EIF3K: variants seen among roughly 807,000 people sequenced by gnomAD.
The protein encoded by EIF3K is eIF-3 p28.
Under a neutral mutation model 34.2 loss-of-function variants are expected in EIF3K, and 27 were observed. That is an observed-to-expected ratio of 0.79 (90% CI 0.58 to 1.09). The LOEUF is 1.09. EIF3K is among the 50% of genes least tolerant of loss of function. The pLI is 0.00. For synonymous variants in EIF3K, 105 were observed against 105.7 expected, an observed-to-expected ratio of 0.99 and a Z score of 0.04; for missense variants, 232 against 275.4, an observed-to-expected ratio of 0.84 and a Z score of 1.11.
chr19:38,627,295 C>T (rs910984013), intron 4 of EIF3K, among the ~76,000 whole-genome samples: 1 of 151,980 alleles, frequency 6.6e-6, no homozygotes, highest in African/African-American at 2.4e-5. Flanking sequence ...CAGAAACCCC[C>T]AGTTTTGAAG....
intron 6 of EIF3K, among the ~76,000 whole-genome samples, chr19:38,633,650 A>G (rs1976120528): frequency 6.6e-6 from 1 of 151,064 alleles, no homozygotes; most frequent in African/African-American, 2.4e-5. Flanking sequence ...GTGAGCTGAG[A>G]TCGCACCATT....
intron 4 of EIF3K, among the ~76,000 whole-genome samples, chr19:38,631,155 C>T (rs1053734604): frequency 4.6e-5 from 7 of 152,130 alleles, no homozygotes; most frequent in African/African-American, 1.7e-4. Flanking sequence ...GGTGGGTTGC[C>T]CCTCCACACC....
In EIF3K at chr19:38,626,078, G is replaced by A; in HGVS notation, c.330G>A (p.Glu110=). The A allele has an allele frequency of 3.1e-6, 5 of 1,614,200 alleles. No individual in the cohort carries two copies. The highest frequency in any genetic ancestry group is 4.2e-6 in the Non-Finnish European group (5 of 1,180,034). The change falls in exon 4 of 8, where the codon GAG becomes GAA. Residue 110 remains glutamate (E), a synonymous_variant. Transcript: ENST00000248342. ...TTTTGTACCTCGGGGACCTGCTGGA[G>A]ACCTGCCATTTCCAGGCCTTCTGGG... ...RQILYLGDLL[E]TCHFQAFWQA...
intron 4 of EIF3K, among the ~76,000 whole-genome samples, chr19:38,630,156 CTT>C: frequency 7.1e-6 from 1 of 141,700 alleles, no homozygotes; most frequent in African/African-American, 2.6e-5. Flanking sequence ...GTGGTAGCTG[CTT>C]TTTTTTTTTT....
At chr19:38,622,853 C>T (rs1481210734) in intron 2 of EIF3K, among the ~76,000 whole-genome samples, 2 of 152,234 alleles carry the variant, frequency 1.3e-5, no homozygotes, top group Non-Finnish European at 2.9e-5. Context: ...CTCCCATTTG[C>T]TTTTGAAAGA....
intron 3 of EIF3K, among the ~76,000 whole-genome samples, chr19:38,625,265 A>G (rs1481811824): frequency 6.6e-6 from 1 of 151,664 alleles, no homozygotes; most frequent in East Asian, 1.9e-4. Context: ...CCCAGGTTCA[A>G]GCTATTCTGT....
Position 38,624,108 on chromosome 19 carries a change from AC to A in EIF3K, c.191del (p.Thr64ArgfsTer8). On this transcript the variant is annotated frameshift_variant, in exon 3 of 8. Transcript: ENST00000248342. LOFTEE classifies it high-confidence loss of function. ...GTTCAACCCAGCCTTCTTTCAGACC[AC>A]GGTCACCGCCCAGATCCTGCTGAAG... ...YQFNPAFFQT[T>X]VTAQILLKAL... 1 of 1,614,130 alleles carries A rather than the reference AC, an allele frequency of 6.2e-7. No homozygotes were observed. Among genetic ancestry groups the A allele is most frequent in the African/African-American group, 1.3e-5 (1 of 75,020 alleles).
At position 38,627,784 on chromosome 19, in the gene EIF3K, C is replaced by A. The variant is rs1975979306; in HGVS notation, c.354+1682C>A. Among the ~76,000 whole-genome samples the A allele has an allele frequency of 2.0e-5, 3 of 152,146 alleles. No homozygotes were observed. In the South Asian group the frequency reaches 6.2e-4, roughly 32 times the overall value. On this transcript the variant is annotated intron_variant, in intron 4 of 7. Coordinates refer to ENST00000248342, the MANE Select transcript of EIF3K (RefSeq NM_013234.4). Reference sequence around the variant, plus strand: ...GAGGATCCTTTGACCACCCAGACCTCTGGGTCCCTTGCTCTCTTGGCCAGC... The same window carrying A: ...GAGGATCCTTTGACCACCCAGACCTATGGGTCCCTTGCTCTCTTGGCCAGC...
chr19:38,636,363 G>C (rs902199719), intron 7 of EIF3K, among the ~76,000 whole-genome samples: 1 of 152,118 alleles, frequency 6.6e-6, no homozygotes. Flanking sequence ...AACAGGATAG[G>C]TTCAAAATAC....
intron 4 of EIF3K, among the ~76,000 whole-genome samples, chr19:38,627,079 C>G (rs942083025): frequency 7.2e-5 from 11 of 152,082 alleles, no homozygotes; most frequent in African/African-American, 2.2e-4. Flanking sequence ...TGCCGCCTCC[C>G]GAGTTCAACT....
At chr19:38,632,560 G>C (rs752888022) in intron 5 of EIF3K, 41 bp from the exon 6 acceptor site, 2 of 1,613,518 alleles carry the variant, frequency 1.2e-6, no homozygotes, top group Admixed American at 3.3e-5. Context: ...GCCAGGTCCG[G>C]GGGGACAGCT....
chr19:38,633,258 C>T (rs983830817), intron 6 of EIF3K, among the ~76,000 whole-genome samples: 4 of 152,020 alleles, frequency 2.6e-5, no homozygotes, highest in Admixed American at 2.0e-4. Context: ...GTCCTTTCCC[C>T]TGACTGAGAA....
chr19:38,624,686 C>T (rs148695307), intron 3 of EIF3K, among the ~76,000 whole-genome samples: 104 of 151,778 alleles, frequency 6.9e-4, no homozygotes, highest in African/African-American at 2.4e-3. Flanking sequence ...TGCAGTGAGC[C>T]GAGATTGCGC....
At chr19:38,627,757 CAG>C (rs1975978837) in intron 4 of EIF3K, among the ~76,000 whole-genome samples, 2 of 152,104 alleles carry the variant, frequency 1.3e-5, no homozygotes, top group South Asian at 2.1e-4. Flanking sequence ...GAAAGTAACA[CAG>C]AGGATCCTTT....
At chr19:38,623,679 C>T (rs1482181200) in intron 2 of EIF3K, among the ~76,000 whole-genome samples, 2 of 151,450 alleles carry the variant, frequency 1.3e-5, no homozygotes, top group African/African-American at 2.4e-5. Context: ...TTTCTCTGCT[C>T]CTCAGCCTTT....
Position 38,620,320 on chromosome 19 carries a change from T to C in EIF3K, c.60-17T>C, listed in dbSNP as rs1975811270. ...CTTCTGTCTCCTCTGTGCTCACCTA[T>C]CTTGATTCTCCTTTAGGTACAATCC... On this transcript the variant is annotated splice_polypyrimidine_tract_variant and intron_variant, in intron 1 of 7. Transcript: ENST00000248342. 2 of 1,611,414 alleles carry C rather than the reference T, an allele frequency of 1.2e-6. No individual in the cohort carries two copies. The highest frequency in any genetic ancestry group is 2.7e-5 in the African/African-American group (2 of 74,854).
intron 2 of EIF3K, 85 bp downstream of exon 2, chr19:38,620,520 A>T: frequency 8.7e-7 from 1 of 1,154,506 alleles, no homozygotes; most frequent in South Asian, 1.3e-5. Context: ...GGTGGCTGGT[A>T]GTATCCTGAA....
chr19:38,635,233 T>C, intron 7 of EIF3K, 115 bp downstream of exon 7: 2 of 1,443,630 alleles, frequency 1.4e-6, no homozygotes, highest in East Asian at 2.3e-5. Context: ...GGCTGGGAAG[T>C]CTGCACCTGC....
At chr19:38,619,417 C>T (rs1975787170) in intron 1 of EIF3K, 90 bp downstream of exon 1, 6 of 1,469,148 alleles carry the variant, frequency 4.1e-6, no homozygotes, top group Admixed American at 1.9e-5. Context: ...GGGTCCTGGG[C>T]TTGCCGCGGG....
Sources: gnomAD v4.1 joint callset for allele counts (sites outside exome capture counted in the v4.1 genomes callset) on GRCh38, gnomAD v4.1.1 for gene constraint, MANE v1.5 for transcripts, NCBI Gene and HGNC (gene_info 2026-07-23, HGNC 2026-07-21) for gene names.